Variants in RBM17 observed in about 807,000 individuals in gnomAD.
RBM17 encodes RNA binding motif protein 17.
RBM17 carries 7 observed loss-of-function variants against 53.2 expected under a neutral mutation model. The ratio of observed to expected loss-of-function variants is 0.13; its 90% CI spans 0.07 to 0.25. The LOEUF (loss-of-function observed/expected upper bound fraction) is 0.25. Among genes scored for constraint, RBM17 ranks in the 10% least tolerant of loss-of-function variants. RBM17 has a pLI of 1.00. For synonymous variants in RBM17, 167 were observed against 178.1 expected (o/e 0.94, Z 0.50); for missense variants, 257 against 496.7 (o/e 0.52, Z 4.59).
chr10:6,098,203 A>G (rs764210942), intron 2 of RBM17, among the ~76,000 whole-genome samples: 4 of 152,120 alleles, frequency 2.6e-5, no homozygotes, highest in Non-Finnish European at 5.9e-5. Context: ...CCCCCCAAAC[A>G]GAGCGAATAT....
At chr10:6,092,781 T>C (rs931684505) in intron 1 of RBM17, among the ~76,000 whole-genome samples, 10 of 152,244 alleles carry the variant, frequency 6.6e-5, no homozygotes, top group Admixed American at 5.2e-4. Flanking sequence ...AGCTCAATGT[T>C]ACAGAAAACT....
chr10:6,099,630 C>T (rs960960841), intron 2 of RBM17, among the ~76,000 whole-genome samples: 20 of 151,730 alleles, frequency 1.3e-4, no homozygotes, highest in Admixed American at 9.2e-4. Flanking sequence ...GTTGTTATAC[C>T]GTATTGGTTT....
chr10:6,117,059 T>C lies in RBM17; in HGVS notation c.*1503T>C, dbSNP rs942009707. On this transcript the variant is annotated 3_prime_UTR_variant, in exon 12 of 12. Coordinates refer to ENST00000379888, the MANE Select transcript of RBM17 (RefSeq NM_032905.5). ...TTACAAGTACCGGAGTGTGCTTGTT[T>C]AATTTTAGAAACTAATGGTTCCAAC... is the stretch of plus-strand genomic sequence containing the variant. 2 of 152,396 alleles carry C rather than the reference T, an allele frequency of 1.3e-5. No individual in the cohort carries two copies. The highest frequency in any genetic ancestry group is 4.8e-5 in the African/African-American group (2 of 41,458). 9.4% of individuals were successfully genotyped at this position (152,396 alleles called of 1,614,324 possible). A position where few individuals can be genotyped will look rare whatever the true frequency, so the allele number is the denominator to read the frequency against.
chr10:6,091,358 C>G lies in RBM17; in HGVS notation c.-19+2165C>G, dbSNP rs183572451. Among the ~76,000 whole-genome samples, 38 of 151,960 alleles carry G rather than the reference C, an allele frequency of 2.5e-4. No individual in the cohort carries two copies. In the East Asian group the frequency reaches 6.2e-3, roughly 25 times the overall value. ...ACAGGCGTGAGCCACTGGGCCCGGT[C>G]TTGCCATATTCTTTAGGCTTCAAAG... On this transcript the variant is annotated intron_variant, in intron 1 of 11. Transcript: ENST00000379888.
rs12261535 is a variant in RBM17, at chr10:6,089,423, T to G, written c.-19+230T>G. Reference sequence around the variant, plus strand: ...CGCCCGCCGCCGCCTCTGGTGACCCTGGCCCTGACCTTCTCCCTCTTCCCT... The same window carrying G: ...CGCCCGCCGCCGCCTCTGGTGACCCGGGCCCTGACCTTCTCCCTCTTCCCT... On this transcript the variant is annotated intron_variant, in intron 1 of 11. Coordinates refer to ENST00000379888, the MANE Select transcript of RBM17 (RefSeq NM_032905.5). The surrounding 1 kb of genome is among the most constrained non-coding windows in gnomAD (Gnocchi z 5.6). 0.98 allele frequency: 151,161 copies of G among 153,944 alleles called. 74,271 individuals carry two copies. The highest frequency in any genetic ancestry group is 1 in the Middle Eastern group (302 of 302). The allele number at this position is 153,944 out of a possible 1,614,324, so 9.5% of individuals were successfully genotyped here. A position where few individuals can be genotyped will look rare whatever the true frequency, so the allele number is the denominator to read the frequency against.
intron 6 of RBM17, among the ~76,000 whole-genome samples, chr10:6,109,514 C>G (rs1840805125): frequency 6.6e-6 from 1 of 152,186 alleles, no homozygotes. Context: ...TGACTTTCAT[C>G]TAACTAGGGT....
At chr10:6,090,316 A>C (rs1840463990) in intron 1 of RBM17, among the ~76,000 whole-genome samples, 1 of 152,238 alleles carries the variant, frequency 6.6e-6, no homozygotes, top group Admixed American at 6.5e-5. Flanking sequence ...AGGATGCAAC[A>C]CAAGTTTCCA....
chr10:6,094,881 G>T (rs1054371469), intron 1 of RBM17, among the ~76,000 whole-genome samples: 7 of 152,190 alleles, frequency 4.6e-5, no homozygotes, highest in Non-Finnish European at 1.5e-5. Flanking sequence ...CTGCAGTTTG[G>T]CCTCATTTCC....
chr10:6,111,514 A>G (rs1318966739), intron 7 of RBM17, among the ~76,000 whole-genome samples: 7 of 152,052 alleles, frequency 4.6e-5, no homozygotes, highest in Non-Finnish European at 1.0e-4. Flanking sequence ...TAATTTTTAC[A>G]TTTTTAGTAG....
At chr10:6,099,986 A>G (rs182925437) in intron 2 of RBM17, among the ~76,000 whole-genome samples, 8 of 152,290 alleles carry the variant, frequency 5.3e-5, no homozygotes, top group Admixed American at 2.6e-4. Flanking sequence ...TCAACCTGGG[A>G]GGCGGAGGTT....
chr10:6,108,939 G>A (rs990592919), intron 6 of RBM17, among the ~76,000 whole-genome samples, 197 bp downstream of exon 6: 11 of 152,138 alleles, frequency 7.2e-5, no homozygotes, highest in Admixed American at 5.2e-4. Context: ...TCTACGCCAG[G>A]CTCTGAGGCT....
rs1840455406 is a variant in RBM17, at chr10:6,089,819, CAGGTGGAATG to C, written c.-19+631_-19+640del. 1 of 152,304 alleles carries C rather than the reference CAGGTGGAATG, an allele frequency of 6.6e-6. No individual in the cohort carries two copies. The highest frequency in any genetic ancestry group is 1.5e-5 in the Non-Finnish European group (1 of 68,070). 9.4% of individuals were successfully genotyped at this position (152,304 alleles called of 1,614,324 possible). ...GAGAATGTGTAATGATCGGAGAATG[CAGGTGGAATG>C]AGGTTCTGCCCCTGCTTGCAGGAGT... On this transcript the variant is annotated intron_variant, in intron 1 of 11. Coordinates refer to ENST00000379888, the MANE Select transcript of RBM17 (RefSeq NM_032905.5). This position sits in a 1 kb window ranked among gnomAD's most constrained non-coding sequence, Gnocchi z 5.6.
intron 1 of RBM17, among the ~76,000 whole-genome samples, chr10:6,095,517 C>A (rs1373555462): frequency 1.3e-5 from 2 of 152,100 alleles, no homozygotes; most frequent in South Asian, 4.1e-4. Flanking sequence ...CCTGACCATC[C>A]CTTCATTCTT....
chr10:6,112,146 A>G lies in RBM17; in HGVS notation c.705-64A>G, dbSNP rs1840847646. ...CAGAAGGAGGTTGTTGTGATGGAAA[A>G]ATGCAACCTATCTCCAGTTGACGAT... On this transcript the variant is annotated intron_variant, in intron 7 of 11. Transcript: ENST00000379888. The surrounding 1 kb of genome is among the most constrained non-coding windows in gnomAD (Gnocchi z 4.4). The G allele has an allele frequency of 6.4e-7, 1 of 1,561,976 alleles. No individual in the cohort carries two copies. Among genetic ancestry groups the G allele is most frequent in the Non-Finnish European group, 8.7e-7 (1 of 1,154,346 alleles).
Position 6,116,478 on chromosome 10 carries a change from T to C in RBM17, c.*922T>C, listed in dbSNP as rs1267430882. 1.3e-5 allele frequency: 2 copies of C among 152,374 alleles called. No homozygotes were observed. The allele number at this position is 152,374 out of a possible 1,614,324, so 9.4% of individuals were successfully genotyped here. A position where few individuals can be genotyped will look rare whatever the true frequency, so the allele number is the denominator to read the frequency against. On this transcript the variant is annotated 3_prime_UTR_variant, in exon 12 of 12. Coordinates refer to ENST00000379888, the MANE Select transcript of RBM17 (RefSeq NM_032905.5). ...AATTCTGGAATTGTGAGAAATTGTA[T>C]CATTGAAGTTCAGTAGGATGTGTGG...
At chr10:6,091,031 T>TTATATA (rs1297897800) in intron 1 of RBM17, among the ~76,000 whole-genome samples, 4 of 145,516 alleles carry the variant, frequency 2.7e-5, no homozygotes, top group African/African-American at 1.0e-4. Context: ...TTATATATAT[T>TTATATA]TATATATTTT....
In RBM17 at chr10:6,103,375, AGCAG is replaced by A. The variant is rs1840697880; in HGVS notation, c.241-1554_241-1551del. 2.0e-5 allele frequency among the ~76,000 whole-genome samples: 3 copies of A among 152,198 alleles called. No individual in the cohort carries two copies. In the South Asian group the frequency reaches 6.2e-4, roughly 31 times the overall value. ...GATGATTGATTTCATTGTTAAGCAT[AGCAG>A]GGTTTATATGTAAAAGTTTTTTTCT... On this transcript the variant is annotated intron_variant, in intron 3 of 11. Coordinates refer to ENST00000379888, the MANE Select transcript of RBM17 (RefSeq NM_032905.5).
chr10:6,097,299 G>A, intron 2 of RBM17, 111 bp downstream of exon 2: 1 of 1,108,548 alleles, frequency 9.0e-7, no homozygotes, highest in Admixed American at 2.2e-5. Flanking sequence ...TGGGTAAATG[G>A]TGTTAAGCAT....
At chr10:6,100,135 A>G (rs1267051907) in intron 2 of RBM17, among the ~76,000 whole-genome samples, 1 of 152,238 alleles carries the variant, frequency 6.6e-6, no homozygotes, top group African/African-American at 2.4e-5. Context: ...TGAGTTGTTA[A>G]TTGGATTAAA....
Sources: gnomAD v4.1 joint callset for allele counts (sites outside exome capture counted in the v4.1 genomes callset) on GRCh38, gnomAD v4.1.1 for gene constraint, Gnocchi (gnomAD v3.1) non-coding constraint, MANE v1.5 for transcripts, NCBI Gene and HGNC (gene_info 2026-07-23, HGNC 2026-07-21) for gene names.